MAPK10: variants seen among roughly 807,000 people sequenced by gnomAD.
MAPK10 encodes the protein mitogen-activated protein kinase 10, also known as JNK3 alpha protein kinase.
A neutral mutation model predicts 59.3 loss-of-function variants in MAPK10; 25 were observed. That is an observed-to-expected ratio of 0.42 (90% CI 0.31 to 0.59). MAPK10 has a LOEUF of 0.59. MAPK10 is among the 20% of genes least tolerant of loss of function. The pLI is 0.15. For synonymous variants in MAPK10, 190 were observed against 200.5 expected (o/e 0.95, Z 0.44); for missense variants, 351 against 568.9 (o/e 0.62, Z 3.90).
Position 86,200,663 on chromosome 4 carries a change from G to A in MAPK10, c.-6-6256C>T, listed in dbSNP as rs575994600. ...TTTTCATTTCTCTTAGGGAAAATGCGTAGAGAAGAAATTATTGGATTGAGG... is the reference window on the plus strand; with the variant it reads ...TTTTCATTTCTCTTAGGGAAAATGCATAGAGAAGAAATTATTGGATTGAGG... On this transcript the variant is annotated intron_variant, in intron 2 of 13. Coordinates refer to ENST00000641462, the MANE Select transcript of MAPK10 (RefSeq NM_138982.4). Among the ~76,000 whole-genome samples the A allele has an allele frequency of 2.6e-4, 39 of 148,564 alleles. No individual in the cohort carries two copies. The Middle Eastern group carries it at 0.01, about 40-fold the overall frequency.
intron 2 of MAPK10, among the ~76,000 whole-genome samples, chr4:86,266,160 A>G (rs1217412878): frequency 1.3e-5 from 2 of 152,264 alleles, no homozygotes; most frequent in African/African-American, 2.4e-5. Flanking sequence ...ACAACAGAGG[A>G]AGAGAGGAGG....
intron 2 of MAPK10, among the ~76,000 whole-genome samples, chr4:86,215,209 T>G (rs2087128599): frequency 6.6e-6 from 1 of 152,230 alleles, no homozygotes; most frequent in Admixed American, 6.5e-5. Context: ...TATATTCACA[T>G]GCAAACAAAT....
chr4:86,402,686 C>T (rs917472463), intron 1 of MAPK10, among the ~76,000 whole-genome samples: 1 of 152,038 alleles, frequency 6.6e-6, no homozygotes, highest in Non-Finnish European at 1.5e-5. Context: ...GAGGTATAAG[C>T]CTGACCCTCA....
intron 1 of MAPK10, among the ~76,000 whole-genome samples, chr4:86,507,275 G>C (rs187127913): frequency 7.2e-5 from 11 of 152,014 alleles, no homozygotes. Flanking sequence ...GGAAATAAAA[G>C]TAAAAACAAT....
At chr4:86,111,351 G>C (rs756383042) in intron 4 of MAPK10, among the ~76,000 whole-genome samples, 1 of 152,102 alleles carries the variant, frequency 6.6e-6, no homozygotes, top group Non-Finnish European at 1.5e-5. Flanking sequence ...CAGTATGATA[G>C]TGGCTGTGGG....
At chr4:86,422,746 A>G (rs951913284) in intron 1 of MAPK10, among the ~76,000 whole-genome samples, 1 of 152,246 alleles carries the variant, frequency 6.6e-6, no homozygotes, top group African/African-American at 2.4e-5. Flanking sequence ...GGTGAAAAGT[A>G]TTAAGGGTAT....
intron 4 of MAPK10, among the ~76,000 whole-genome samples, chr4:86,139,943 C>CATGAAAAAATGAAAAG: frequency 6.8e-6 from 1 of 147,332 alleles, no homozygotes. Flanking sequence ...TGCTCATCAT[C>CATGAAAAAATGAAAAG]ACTGGCCATC....
At chr4:86,279,583 C>G (rs570995422) in intron 2 of MAPK10, among the ~76,000 whole-genome samples, 3 of 152,192 alleles carry the variant, frequency 2.0e-5, no homozygotes, top group African/African-American at 7.2e-5. Flanking sequence ...ACAGAAACAC[C>G]AGAATAGTTG....
intron 9 of MAPK10, among the ~76,000 whole-genome samples, chr4:86,070,157 A>G (rs1009844157): frequency 2.6e-5 from 4 of 152,314 alleles, no homozygotes; most frequent in Admixed American, 6.5e-5. Flanking sequence ...AAATGTTCAT[A>G]CTGCAAATCT....
chr4:86,199,454 T>C (rs2082132063), intron 2 of MAPK10, among the ~76,000 whole-genome samples: 1 of 152,028 alleles, frequency 6.6e-6, no homozygotes, highest in African/African-American at 2.4e-5. Context: ...TTTGAAAATA[T>C]GCACAACTAA....
At chr4:86,397,184 T>G (rs1027242624) in intron 1 of MAPK10, among the ~76,000 whole-genome samples, 1 of 152,178 alleles carries the variant, frequency 6.6e-6, no homozygotes, top group African/African-American at 2.4e-5. Flanking sequence ...TCTAAAATAT[T>G]TATTGATTCC....
chr4:86,541,966 C>T, intron 1 of MAPK10, among the ~76,000 whole-genome samples: 1 of 151,448 alleles, frequency 6.6e-6, no homozygotes, highest in Non-Finnish European at 1.5e-5. Context: ...CACACACACA[C>T]ACACACACAC....
chr4:86,231,828 G>A (rs1292732080), intron 2 of MAPK10, among the ~76,000 whole-genome samples: 2 of 152,100 alleles, frequency 1.3e-5, no homozygotes, highest in Non-Finnish European at 2.9e-5. Flanking sequence ...TGAAAATGCA[G>A]GACCCTTTTC....
chr4:86,147,172 C>G (rs139971708), intron 4 of MAPK10, among the ~76,000 whole-genome samples: 41 of 152,042 alleles, frequency 2.7e-4, no homozygotes, highest in African/African-American at 9.4e-4. Flanking sequence ...CTGCAACCTC[C>G]GCCTCCTGGG....
At chr4:86,517,571 G>A (rs538452912) in intron 1 of MAPK10, among the ~76,000 whole-genome samples, 6 of 152,106 alleles carry the variant, frequency 3.9e-5, no homozygotes, top group Admixed American at 1.3e-4. Context: ...TACCGCACCC[G>A]GCCTATTATC....
intron 6 of MAPK10, chr4:86,102,984 C>T: frequency 2.4e-6 from 1 of 409,878 alleles, no homozygotes. Context: ...GGAAGTAACC[C>T]CACAAACAGA....
At chr4:86,550,867 A>ATCAG (rs1399416613) in intron 1 of MAPK10, among the ~76,000 whole-genome samples, 3 of 152,274 alleles carry the variant, frequency 2.0e-5, no homozygotes, top group South Asian at 2.1e-4. Context: ...GCACCTCCTC[A>ATCAG]TCAGCACATG....
chr4:86,550,374 TAAAAAAAAAAAAAAAAAAA>T (rs753508493), intron 1 of MAPK10, among the ~76,000 whole-genome samples: 89 of 77,388 alleles, frequency 1.2e-3, no homozygotes, highest in East Asian at 4.8e-3. Context: ...GAGCTTCAGT[TAAAAAAAAAAAAAAAAAAA>T]AAAAAAAAAA....
intron 4 of MAPK10, chr4:86,119,575 C>T (rs1242405984): frequency 2.3e-5 from 3 of 130,552 alleles, no homozygotes; most frequent in Non-Finnish European, 3.1e-5. Context: ...CAGAGCAAGA[C>T]TCCATCACAA....
Sources: gnomAD v4.1 joint callset for allele counts (sites outside exome capture counted in the v4.1 genomes callset) on GRCh38, gnomAD v4.1.1 for gene constraint, MANE v1.5 for transcripts, NCBI Gene and HGNC (gene_info 2026-07-23, HGNC 2026-07-21) for gene names.